Variants in AKAP19 observed in about 807,000 individuals in gnomAD.
AKAP19 encodes small A-kinase anchoring protein.
At chr2:190,074,461 G>T in the AKAP19 span, among the ~76,000 whole-genome samples, 1 of 152,170 alleles carries the variant, frequency 6.6e-6, no homozygotes, top group South Asian at 2.1e-4. Flanking sequence ...GACCATCCTG[G>T]CCAACATGGT....
chr2:190,143,700 T>C, the AKAP19 span, among the ~76,000 whole-genome samples: 1 of 152,052 alleles, frequency 6.6e-6, no homozygotes, highest in Non-Finnish European at 1.5e-5. Context: ...TAAATCATGC[T>C]GCTATAAAGA....
chr2:189,907,079 T>G, the AKAP19 span, among the ~76,000 whole-genome samples: 2 of 152,322 alleles, frequency 1.3e-5, no homozygotes, highest in African/African-American at 4.8e-5. Flanking sequence ...TTTTGCTTCC[T>G]TCTATTCCAT....
chr2:190,151,967 C>T, the AKAP19 span, among the ~76,000 whole-genome samples: 1 of 151,024 alleles, frequency 6.6e-6, no homozygotes, highest in Non-Finnish European at 1.5e-5. Flanking sequence ...TGTGCCACTG[C>T]ACTCCAGAGC....
chr2:189,900,018 T>C, the AKAP19 span, among the ~76,000 whole-genome samples: 49 of 152,150 alleles, frequency 3.2e-4, no homozygotes, highest in Non-Finnish European at 6.6e-4. Flanking sequence ...GCATATTGCT[T>C]TTCTGGTTTG....
chr2:189,980,484 A>G, the AKAP19 span, among the ~76,000 whole-genome samples: 1 of 152,078 alleles, frequency 6.6e-6, no homozygotes, highest in Non-Finnish European at 1.5e-5. Flanking sequence ...ACAAGCATGC[A>G]CCACCATGCC....
chr2:190,038,643 C>T, the AKAP19 span, among the ~76,000 whole-genome samples: 3 of 152,126 alleles, frequency 2.0e-5, no homozygotes, highest in Non-Finnish European at 4.4e-5. Flanking sequence ...TTCACTTTCT[C>T]GCTCCCTCTC....
chr2:190,169,486 C>G, the AKAP19 span, among the ~76,000 whole-genome samples: 1 of 152,194 alleles, frequency 6.6e-6, no homozygotes, highest in Non-Finnish European at 1.5e-5. Flanking sequence ...TTCTCAGTTT[C>G]ACTGATAACA....
At chr2:189,975,742 G>A in the AKAP19 span, among the ~76,000 whole-genome samples, 5,382 of 151,980 alleles carry the variant, frequency 0.035, 302 homozygotes, top group African/African-American at 0.12. Flanking sequence ...TTGATCTTCA[G>A]TCACTGATAC....
At chr2:190,138,711 A>G in the AKAP19 span, among the ~76,000 whole-genome samples, 1 of 152,118 alleles carries the variant, frequency 6.6e-6, no homozygotes, top group Non-Finnish European at 1.5e-5. Context: ...AGCTTACTTC[A>G]TTTTCAGTTC....
At chr2:189,893,232 CTG>C in the AKAP19 span, among the ~76,000 whole-genome samples, 1 of 152,170 alleles carries the variant, frequency 6.6e-6, no homozygotes, top group Non-Finnish European at 1.5e-5. Flanking sequence ...GTGAACAGTT[CTG>C]TCTCATTGGT....
chr2:190,097,871 A>G, the AKAP19 span, among the ~76,000 whole-genome samples: 1 of 150,952 alleles, frequency 6.6e-6, no homozygotes, highest in African/African-American at 2.4e-5. Context: ...AAAAAAAAAA[A>G]AAAAAAAAAA....
the AKAP19 span, among the ~76,000 whole-genome samples, chr2:189,956,997 A>T: frequency 1.3e-5 from 2 of 152,250 alleles, no homozygotes; most frequent in East Asian, 3.9e-4. Flanking sequence ...CCAATATGGT[A>T]AAACCTTGTC....
At chr2:190,203,120 T>C in the AKAP19 span, 22 of 167,090 alleles carry the variant, frequency 1.3e-4, no homozygotes, top group Non-Finnish European at 3.2e-4. Context: ...CTCAGTATCA[T>C]TGGCCTTTTA....
At chr2:189,993,929 TTTTG>T in the AKAP19 span, among the ~76,000 whole-genome samples, 1,532 of 152,230 alleles carry the variant, frequency 0.01, 24 homozygotes, top group African/African-American at 0.035. Flanking sequence ...GGTCTATCAA[TTTTG>T]TTTGTCTTGT....
the AKAP19 span, among the ~76,000 whole-genome samples, chr2:189,895,342 A>G: frequency 5.3e-5 from 8 of 152,242 alleles, no homozygotes; most frequent in East Asian, 1.5e-3. Flanking sequence ...TTTATTTTTA[A>G]CACTGAACTC....
At chr2:190,053,008 T>C in the AKAP19 span, among the ~76,000 whole-genome samples, 2 of 152,242 alleles carry the variant, frequency 1.3e-5, no homozygotes, top group African/African-American at 4.8e-5. Context: ...GTGTGCTTAT[T>C]TAAAACATCA....
the AKAP19 span, among the ~76,000 whole-genome samples, chr2:189,944,590 G>A: frequency 6.6e-6 from 1 of 151,954 alleles, no homozygotes; most frequent in African/African-American, 2.4e-5. Flanking sequence ...GAGTTCCCAG[G>A]TATATAAAGG....
At chr2:189,928,383 A>G in the AKAP19 span, among the ~76,000 whole-genome samples, 7 of 152,150 alleles carry the variant, frequency 4.6e-5, no homozygotes, top group African/African-American at 9.7e-5. Context: ...TCATTTACCA[A>G]TTTTAACAAT....
At chr2:190,063,661 G>A in the AKAP19 span, among the ~76,000 whole-genome samples, 121 of 152,192 alleles carry the variant, frequency 8.0e-4, 2 homozygotes, top group South Asian at 0.023. Flanking sequence ...AAGAGAAAGA[G>A]CATCATGATA....
Sources: allele counts gnomAD v4.1 joint callset (sites outside exome capture counted in the v4.1 genomes callset), GRCh38; gene constraint gnomAD v4.1.1; transcripts MANE v1.5; gene names NCBI Gene and HGNC (gene_info 2026-07-23, HGNC 2026-07-21).